Variants in ST7 observed in about 807,000 individuals in gnomAD.
ST7 encodes the protein suppressor of tumorigenicity 7 protein.
A neutral mutation model predicts 78.7 loss-of-function variants in ST7; 28 were observed. The ratio of observed to expected loss-of-function variants is 0.36; its 90% CI spans 0.26 to 0.49. ST7 has a LOEUF of 0.49. ST7 is among the 20% of genes least tolerant of loss of function. The probability of loss-of-function intolerance (pLI) is 0.99; values close to 1 mark genes in which losing one functional copy is unlikely to be tolerated. For missense variants in ST7, 418 were observed against 696.0 expected (o/e 0.60, Z 4.49); for synonymous variants, 247 against 249.6 (o/e 0.99, Z 0.10).
intron 1 of ST7, among the ~76,000 whole-genome samples, chr7:117,086,626 T>G (rs1187463811): frequency 1.3e-5 from 2 of 152,178 alleles, no homozygotes; most frequent in Non-Finnish European, 2.9e-5. Context: ...TGAGATTTGT[T>G]TGGTAACAAA....
At position 116,974,406 on chromosome 7, in the gene ST7, C is replaced by T. The variant is rs1197476601; in HGVS notation, c.151+20715C>T. Among the ~76,000 whole-genome samples the T allele has an allele frequency of 3.3e-5, 5 of 151,904 alleles. No individual in the cohort carries two copies. The East Asian group carries it at 5.8e-4, about 18-fold the overall frequency. ...GGGTTCACGACATTCTCCTTCCTGCCTCAGCCTCCCAAGTAGCTGGGACTA... is the reference window on the plus strand; with the variant it reads ...GGGTTCACGACATTCTCCTTCCTGCTTCAGCCTCCCAAGTAGCTGGGACTA... On this transcript the variant is annotated intron_variant, in intron 1 of 15. Coordinates refer to ENST00000323984, the MANE Select transcript of ST7 (RefSeq NM_001369598.1).
chr7:117,037,765 T>A (rs992891252), intron 1 of ST7, among the ~76,000 whole-genome samples: 8 of 152,228 alleles, frequency 5.3e-5, no homozygotes, highest in African/African-American at 1.7e-4. Flanking sequence ...TAGGATTAAA[T>A]CCAGTATCTG....
intron 3 of ST7, among the ~76,000 whole-genome samples, chr7:117,129,375 C>T (rs893450323): frequency 2.0e-4 from 30 of 151,822 alleles, no homozygotes; most frequent in Non-Finnish European, 7.4e-5. Context: ...GCATATTATA[C>T]TCTATAGTTT....
At chr7:117,109,834 A>G (rs766114851) in intron 2 of ST7, among the ~76,000 whole-genome samples, 1 of 152,220 alleles carries the variant, frequency 6.6e-6, no homozygotes, top group African/African-American at 2.4e-5. Context: ...GTCCAAAAAG[A>G]TAATTCACCA....
intron 12 of ST7, among the ~76,000 whole-genome samples, chr7:117,205,928 T>C (rs530447306): frequency 6.6e-6 from 1 of 152,364 alleles, no homozygotes; most frequent in East Asian, 1.9e-4. Flanking sequence ...GCTACAGTTA[T>C]TCTAATTGAT....
At chr7:117,007,651 G>T (rs1795209953) in intron 1 of ST7, among the ~76,000 whole-genome samples, 1 of 152,198 alleles carries the variant, frequency 6.6e-6, no homozygotes, top group Non-Finnish European at 1.5e-5. Flanking sequence ...TGCCATCTAG[G>T]CCTTTCATAG....
At chr7:116,961,102 C>T (rs760151243) in intron 1 of ST7, among the ~76,000 whole-genome samples, 10 of 152,218 alleles carry the variant, frequency 6.6e-5, no homozygotes, top group South Asian at 2.1e-4. Flanking sequence ...TCAGATTTGT[C>T]GAAGATCAGA....
intron 9 of ST7, among the ~76,000 whole-genome samples, chr7:117,169,388 G>A (rs925473262): frequency 6.6e-6 from 1 of 151,894 alleles, no homozygotes; most frequent in South Asian, 2.1e-4. Flanking sequence ...CACCTGCCTC[G>A]GCCTCTCAAA....
In ST7 at chr7:117,229,900, A is replaced by G. The variant is rs1253180002; in HGVS notation, c.*43A>G. On this transcript the variant is annotated 3_prime_UTR_variant, in exon 16 of 16. Coordinates refer to ENST00000323984, the MANE Select transcript of ST7 (RefSeq NM_001369598.1). ...ACTCACCTCACCCGCCGCTGCCACC[A>G]TCTCCTCTGTGCCAACTCCTTGTGG... is the stretch of plus-strand genomic sequence containing the variant. The G allele has an allele frequency of 7.9e-6, 12 of 1,522,444 alleles. No homozygotes were observed. The highest frequency in any genetic ancestry group is 1.1e-5 in the Non-Finnish European group (12 of 1,096,268). 94.3% of individuals were successfully genotyped at this position (1,522,444 alleles called of 1,614,324 possible).
intron 12 of ST7, among the ~76,000 whole-genome samples, chr7:117,196,046 G>A (rs1382929305): frequency 1.3e-5 from 2 of 152,170 alleles, no homozygotes; most frequent in Non-Finnish European, 2.9e-5. Context: ...ATTTTAGTTA[G>A]CATAATGTCC....
chr7:116,966,433 T>G (rs1391179397), intron 1 of ST7, among the ~76,000 whole-genome samples: 1 of 152,008 alleles, frequency 6.6e-6, no homozygotes, highest in East Asian at 1.9e-4. Context: ...TTATTTTTAG[T>G]AGAGACGATG....
intron 1 of ST7, among the ~76,000 whole-genome samples, chr7:117,097,822 C>CTATATATATATA (rs372192783): frequency 2.0e-5 from 2 of 99,212 alleles, no homozygotes; most frequent in African/African-American, 7.8e-5. Context: ...TGACATATCA[C>CTATATATATATA]TATATATATA....
At chr7:117,188,958 T>G (rs1392066373) in intron 10 of ST7, among the ~76,000 whole-genome samples, 2 of 152,202 alleles carry the variant, frequency 1.3e-5, no homozygotes, top group Admixed American at 1.3e-4. Context: ...TTTTTGTAAG[T>G]GACAAAGACA....
chr7:117,070,743 C>T (rs995412196), intron 1 of ST7, among the ~76,000 whole-genome samples: 2 of 151,824 alleles, frequency 1.3e-5, no homozygotes, highest in African/African-American at 4.8e-5. Context: ...CGGGGTTTCA[C>T]GGTGTTAGCC....
At chr7:117,147,070 A>G (rs1805851277) in intron 9 of ST7, among the ~76,000 whole-genome samples, 1 of 152,030 alleles carries the variant, frequency 6.6e-6, no homozygotes, top group Non-Finnish European at 1.5e-5. Flanking sequence ...TGTTTAATTT[A>G]TATGTCTATA....
chr7:117,119,602 C>T lies in ST7; in HGVS notation c.276C>T (p.Phe92=). The change falls in exon 3 of 16, where the codon TTC becomes TTT. Residue 92 remains phenylalanine (F), a synonymous_variant. Transcript: ENST00000323984. ...ATTTTCGCAAATACGGAACTTCATT[C>T]ATTGAACAAGTCTCAGTAAGCCACT... is the stretch of plus-strand genomic sequence containing the variant. ...WWYFRKYGTS[F]IEQVSVSHLR... 2 of 1,612,700 alleles carry T rather than the reference C, an allele frequency of 1.2e-6. No individual in the cohort carries two copies. The highest frequency in any genetic ancestry group is 1.7e-6 in the Non-Finnish European group (2 of 1,179,788).
intron 1 of ST7, among the ~76,000 whole-genome samples, chr7:116,991,306 T>C (rs60106615): frequency 6.6e-6 from 1 of 152,262 alleles, no homozygotes; most frequent in East Asian, 1.9e-4. Flanking sequence ...TATTCAGCCA[T>C]GTATTAGTCT....
At chr7:117,043,659 G>A (rs774989627) in intron 1 of ST7, among the ~76,000 whole-genome samples, 3 of 152,202 alleles carry the variant, frequency 2.0e-5, no homozygotes, top group Non-Finnish European at 4.4e-5. Flanking sequence ...CCAAGGTGAA[G>A]AAGTGATTGT....
chr7:117,191,572 C>A (rs1247380469), intron 12 of ST7: 3 of 151,944 alleles, frequency 2.0e-5, no homozygotes, highest in African/African-American at 7.3e-5. Flanking sequence ...TTTCTGTAAT[C>A]TTTTATTCAG....
Sources: allele counts gnomAD v4.1 joint callset (sites outside exome capture counted in the v4.1 genomes callset), GRCh38; gene constraint gnomAD v4.1.1; transcripts MANE v1.5; gene names NCBI Gene and HGNC (gene_info 2026-07-23, HGNC 2026-07-21).